Variants in FBXO16 observed in about 807,000 individuals in gnomAD.
The protein encoded by FBXO16 is F-box only protein 16.
Under a neutral mutation model 41.0 loss-of-function variants are expected in FBXO16, and 31 were observed. The ratio of observed to expected loss-of-function variants is 0.76; its 90% CI spans 0.57 to 1.02. The LOEUF is 1.02. Ranked by LOEUF, FBXO16 falls within the 50% of genes least tolerant of loss-of-function variation. The probability of loss-of-function intolerance (pLI) is 0.00; values close to 1 mark genes in which losing one functional copy is unlikely to be tolerated. For synonymous variants in FBXO16, 133 were observed against 117.8 expected, an observed-to-expected ratio of 1.13 and a Z score of -0.84; for missense variants, 361 against 346.2, an observed-to-expected ratio of 1.04 and a Z score of -0.34.
In FBXO16 at chr8:28,469,262, G is replaced by A. The variant is rs372660470; in HGVS notation, c.135+4510C>T. Among the ~76,000 whole-genome samples the A allele has an allele frequency of 7.9e-5, 12 of 151,936 alleles. No individual in the cohort carries two copies. The East Asian group carries it at 1.6e-3, about 20-fold the overall frequency. ...TGGGAGGCGGAGGTTGTGGTGAGCCGAGATTGCACCATTGCACTCCAGCCT... is the reference window on the plus strand; with the variant it reads ...TGGGAGGCGGAGGTTGTGGTGAGCCAAGATTGCACCATTGCACTCCAGCCT... On this transcript the variant is annotated intron_variant, in intron 3 of 8. Transcript: ENST00000380254.
At position 28,478,821 on chromosome 8, in the gene FBXO16, CAAA is replaced by C. The variant is rs35959759; in HGVS notation, c.99+4524_99+4526del. On this transcript the variant is annotated intron_variant, in intron 2 of 8. Coordinates refer to ENST00000380254, the MANE Select transcript of FBXO16 (RefSeq NM_172366.4). ...TGGGCAACACAATGAATTCTGTCTC[CAAA>C]AAAAAAAAAAAAAAAAAATTGTAAT... Among the ~76,000 whole-genome samples, 483 of 117,756 alleles carry C rather than the reference CAAA, an allele frequency of 4.1e-3. 2 individuals carry two copies. Among genetic ancestry groups the C allele is most frequent in the African/African-American group, 0.013 (407 of 30,802 alleles). 77.3% of individuals were successfully genotyped at this position (117,756 alleles called of 152,430 possible). A position where few individuals can be genotyped will look rare whatever the true frequency, so the allele number is the denominator to read the frequency against.
chr8:28,452,845 A>G (rs1321743107), intron 5 of FBXO16, among the ~76,000 whole-genome samples: 1 of 152,020 alleles, frequency 6.6e-6, no homozygotes, highest in Non-Finnish European at 1.5e-5. Flanking sequence ...AAAACCACAC[A>G]CTATAATAAT....
Position 28,441,474 on chromosome 8 carries a change from G to A in FBXO16, c.843+5697C>T, listed in dbSNP as rs539077556. Among the ~76,000 whole-genome samples the A allele has an allele frequency of 4.8e-4, 73 of 152,248 alleles. 2 individuals are homozygous for A. The highest frequency in any genetic ancestry group is 6.5e-4 in the Non-Finnish European group (44 of 68,012). On this transcript the variant is annotated intron_variant, in intron 7 of 8. Coordinates refer to ENST00000380254, the MANE Select transcript of FBXO16 (RefSeq NM_172366.4). ...TATAGGGCTGGGCGCAGGGGCTCACGCCTGTAATCCCAGCACTTTGGGAGG... is the reference window on the plus strand; with the variant it reads ...TATAGGGCTGGGCGCAGGGGCTCACACCTGTAATCCCAGCACTTTGGGAGG...
chr8:28,489,001 A>ATATCATAGG (rs11281497), intron 1 of FBXO16, among the ~76,000 whole-genome samples: 134,980 of 151,834 alleles, frequency 0.89, 60,087 homozygotes, highest in Middle Eastern at 0.92. Flanking sequence ...TCACAGTAGT[A>ATATCATAGG]TACTCAATAT....
intron 3 of FBXO16, among the ~76,000 whole-genome samples, chr8:28,464,446 C>T (rs1803199026): frequency 6.6e-6 from 1 of 152,278 alleles, no homozygotes; most frequent in African/African-American, 2.4e-5. Context: ...CACCCAAGAT[C>T]AGGGAATGAC....
intron 1 of FBXO16, among the ~76,000 whole-genome samples, chr8:28,485,054 G>C (rs950024214): frequency 1.3e-5 from 2 of 152,142 alleles, no homozygotes; most frequent in African/African-American, 4.8e-5. Context: ...GCAGGCTTCT[G>C]CATTTTCCAC....
At chr8:28,458,546 T>TC (rs200530065) in intron 4 of FBXO16, among the ~76,000 whole-genome samples, 19 of 61,082 alleles carry the variant, frequency 3.1e-4, no homozygotes, top group African/African-American at 1.3e-3. Flanking sequence ...TTCTTCTTCT[T>TC]TTTTTTTTTT....
At chr8:28,449,409 C>T (rs1182849332) in intron 6 of FBXO16, among the ~76,000 whole-genome samples, 2 of 148,802 alleles carry the variant, frequency 1.3e-5, no homozygotes, top group East Asian at 2.0e-4. Context: ...GCAGCCTCCA[C>T]TTCCTGGGCT....
chr8:28,487,311 T>C (rs1210149077), intron 1 of FBXO16, among the ~76,000 whole-genome samples: 7 of 151,986 alleles, frequency 4.6e-5, no homozygotes, highest in Non-Finnish European at 1.5e-5. Context: ...CCTTCCTCCA[T>C]TCCAGAAGAC....
intron 7 of FBXO16, among the ~76,000 whole-genome samples, chr8:28,444,878 A>C (rs1332664888): frequency 7.6e-6 from 1 of 131,630 alleles, no homozygotes; most frequent in Non-Finnish European, 1.5e-5. Context: ...TGATCCACCC[A>C]CCTCGGCCTC....
Position 28,446,856 on chromosome 8 carries a change from G to A in FBXO16, c.843+315C>T, listed in dbSNP as rs568104599. 11 of 174,064 alleles carry A rather than the reference G, an allele frequency of 6.3e-5. No individual in the cohort carries two copies. The South Asian group carries it at 1.5e-3, about 24-fold the overall frequency. The allele number at this position is 174,064 out of a possible 1,614,324, so 10.8% of individuals were successfully genotyped here. A position where few individuals can be genotyped will look rare whatever the true frequency, so the allele number is the denominator to read the frequency against. On this transcript the variant is annotated intron_variant, in intron 7 of 8. Transcript: ENST00000380254. ...CATTGCACTCCAGCCAGGAAGACAA[G>A]AACAAGACTCTGTCTTAAACAAACA...
At chr8:28,487,623 G>C (rs963381130) in intron 1 of FBXO16, among the ~76,000 whole-genome samples, 1 of 152,006 alleles carries the variant, frequency 6.6e-6, no homozygotes, top group African/African-American at 2.4e-5. Flanking sequence ...TTGAACTCCT[G>C]ACCTCAAGTG....
chr8:28,448,590 C>T (rs1206157774), intron 6 of FBXO16, among the ~76,000 whole-genome samples: 1 of 152,112 alleles, frequency 6.6e-6, no homozygotes, highest in African/African-American at 2.4e-5. Context: ...AAAGGAGTTA[C>T]TTCATGTGAA....
intron 4 of FBXO16, among the ~76,000 whole-genome samples, chr8:28,461,032 C>T (rs185191907): frequency 2.0e-5 from 3 of 151,770 alleles, no homozygotes; most frequent in African/African-American, 4.8e-5. Flanking sequence ...TGTGCCTGGC[C>T]GTATATATTC....
intron 3 of FBXO16, among the ~76,000 whole-genome samples, chr8:28,466,656 A>G (rs147421930): frequency 0.028 from 4,288 of 151,382 alleles, 84 homozygotes; most frequent in Non-Finnish European, 0.041. Context: ...TTAGCCGGGC[A>G]TGGTGGCAGG....
chr8:28,445,810 GCT>G (rs1289176047), intron 7 of FBXO16, among the ~76,000 whole-genome samples: 9 of 152,150 alleles, frequency 5.9e-5, no homozygotes, highest in African/African-American at 2.2e-4. Context: ...AAGTAATAGA[GCT>G]TTAAAGCAGA....
At chr8:28,454,504 G>C (rs896764971) in intron 5 of FBXO16, among the ~76,000 whole-genome samples, 10 of 151,444 alleles carry the variant, frequency 6.6e-5, no homozygotes, top group African/African-American at 2.4e-4. Flanking sequence ...CGAGGCGGGC[G>C]GATCACGAGG....
At chr8:28,437,082 T>TA (rs1802697759) in intron 7 of FBXO16, among the ~76,000 whole-genome samples, 1 of 152,196 alleles carries the variant, frequency 6.6e-6, no homozygotes, top group Non-Finnish European at 1.5e-5. Context: ...ACCCCAATGG[T>TA]AACAGTGACT....
chr8:28,460,245 A>ATATATTTT (rs1477457728), intron 4 of FBXO16, among the ~76,000 whole-genome samples: 1 of 85,438 alleles, frequency 1.2e-5, no homozygotes, highest in Non-Finnish European at 2.0e-5. Flanking sequence ...ATATATATAT[A>ATATATTTT]TTTTTTTTTT....
Sources: allele counts gnomAD v4.1 joint callset (sites outside exome capture counted in the v4.1 genomes callset), GRCh38; gene constraint gnomAD v4.1.1; transcripts MANE v1.5; gene names NCBI Gene and HGNC (gene_info 2026-07-23, HGNC 2026-07-21).